ARHGAP21: variants seen among roughly 807,000 people sequenced by gnomAD.
The protein encoded by ARHGAP21 is rho GTPase-activating protein 21.
In ARHGAP21, 38 loss-of-function variants were observed where a neutral mutation model predicts 164.6. That is an observed-to-expected ratio of 0.23 (90% CI 0.18 to 0.30). ARHGAP21 has a LOEUF of 0.30. Among genes scored for constraint, ARHGAP21 ranks in the 10% least tolerant of loss-of-function variants. ARHGAP21 has a pLI of 1.00. For missense variants in ARHGAP21, 1,822 were observed against 2,370.7 expected, an observed-to-expected ratio of 0.77 and a Z score of 4.81; for synonymous variants, 766 against 857.9, an observed-to-expected ratio of 0.89 and a Z score of 1.87.
intron 2 of ARHGAP21, among the ~76,000 whole-genome samples, chr10:24,709,598 G>A (rs1844569783): frequency 6.6e-6 from 1 of 151,962 alleles, no homozygotes; most frequent in East Asian, 1.9e-4. Flanking sequence ...AAATTAGCCA[G>A]GTGTGATGGT....
intron 2 of ARHGAP21, among the ~76,000 whole-genome samples, chr10:24,697,119 G>A (rs997707174): frequency 6.6e-6 from 1 of 152,108 alleles, no homozygotes; most frequent in Non-Finnish European, 1.5e-5. Context: ...ATGTTCCTAG[G>A]GGTGGCCCTT....
chr10:24,696,621 C>T (rs1843199724), intron 2 of ARHGAP21, among the ~76,000 whole-genome samples: 2 of 152,074 alleles, frequency 1.3e-5, no homozygotes, highest in South Asian at 2.1e-4. Flanking sequence ...AACACTGAGG[C>T]GTGGGCTCAG....
intron 4 of ARHGAP21, among the ~76,000 whole-genome samples, chr10:24,646,754 TTAA>T (rs1172199518): frequency 6.6e-6 from 1 of 152,108 alleles, no homozygotes; most frequent in Non-Finnish European, 1.5e-5. Context: ...TAAAAAAATT[TTAA>T]TAATAAAAAG....
chr10:24,590,489 A>G, intron 24 of ARHGAP21: 1 of 1,535,136 alleles, frequency 6.5e-7, no homozygotes, highest in Non-Finnish European at 8.7e-7. Flanking sequence ...CCTGTTCAAC[A>G]TCAGTATAGA....
intron 7 of ARHGAP21, among the ~76,000 whole-genome samples, chr10:24,625,299 G>GCAAAAAAAAAAAAAAAAAAAAAAAAAAAC (rs768183583): frequency 1.9e-5 from 1 of 53,798 alleles, no homozygotes; most frequent in African/African-American, 7.5e-5. Context: ...ATGAAACAGA[G>GCAAAAAAAAAAAAAAAAAAAAAAAAAAAC]AAAAAAAAAA....
intron 3 of ARHGAP21, among the ~76,000 whole-genome samples, chr10:24,667,704 G>C (rs1840328675): frequency 6.6e-6 from 1 of 151,824 alleles, no homozygotes; most frequent in Non-Finnish European, 1.5e-5. Flanking sequence ...GTTCGGTGAA[G>C]GGCTGATAAT....
At chr10:24,601,841 A>AGAAAAATCTATTTAT (rs1458381493) in intron 13 of ARHGAP21, 137 bp downstream of exon 13, 2 of 1,102,738 alleles carry the variant, frequency 1.8e-6, no homozygotes, top group Non-Finnish European at 2.4e-6. Context: ...TTTTTAATGT[A>AGAAAAATCTATTTAT]GAAAAATCTA....
chr10:24,676,534 A>T (rs768335803), intron 2 of ARHGAP21, among the ~76,000 whole-genome samples: 2 of 152,188 alleles, frequency 1.3e-5, no homozygotes, highest in Non-Finnish European at 2.9e-5. Context: ...GAGACTCCAA[A>T]AGCGGGGAGG....
intron 2 of ARHGAP21, among the ~76,000 whole-genome samples, chr10:24,703,001 G>A (rs1055080279): frequency 7.2e-5 from 11 of 152,068 alleles, no homozygotes; most frequent in Admixed American, 7.2e-4. Flanking sequence ...ATAATACATA[G>A]TTTATATTAT....
chr10:24,594,886 A>ATGAAGCATATCTT, intron 21 of ARHGAP21, 64 bp downstream of exon 21: 1 of 1,318,962 alleles, frequency 7.6e-7, no homozygotes. Context: ...GCATGAAGTA[A>ATGAAGCATATCTT]TGAAGCATAT....
intron 2 of ARHGAP21, among the ~76,000 whole-genome samples, chr10:24,695,842 G>C (rs1252155155): frequency 1.3e-5 from 2 of 152,120 alleles, no homozygotes; most frequent in Non-Finnish European, 2.9e-5. Flanking sequence ...CAACCCATGA[G>C]TGATCCTGAA....
At chr10:24,682,493 T>A (rs1322646612) in intron 2 of ARHGAP21, among the ~76,000 whole-genome samples, 1 of 152,244 alleles carries the variant, frequency 6.6e-6, no homozygotes, top group Non-Finnish European at 1.5e-5. Flanking sequence ...TGTAAATTAT[T>A]CCTCACATAG....
chr10:24,652,117 A>G (rs1838236281), intron 4 of ARHGAP21, among the ~76,000 whole-genome samples: 1 of 152,180 alleles, frequency 6.6e-6, no homozygotes, highest in African/African-American at 2.4e-5. Flanking sequence ...ATAAAAATAC[A>G]GATCTATTCT....
chr10:24,646,332 GA>G, intron 4 of ARHGAP21, among the ~76,000 whole-genome samples: 1 of 150,396 alleles, frequency 6.6e-6, no homozygotes, highest in African/African-American at 2.4e-5. Context: ...TGGAGCAGCT[GA>G]AAAAAAAACA....
At chr10:24,657,856 GCTCGTTAAGAGTCATCA>G (rs1839234441) in intron 4 of ARHGAP21, among the ~76,000 whole-genome samples, 1 of 128,036 alleles carries the variant, frequency 7.8e-6, no homozygotes, top group African/African-American at 3.1e-5. Flanking sequence ...AAGGCAGCAT[GCTCGTTAAGAGTCATCA>G]CCAATCCCTA....
At chr10:24,642,634 T>A (rs1057153820) in intron 4 of ARHGAP21, among the ~76,000 whole-genome samples, 1 of 151,974 alleles carries the variant, frequency 6.6e-6, no homozygotes, top group Non-Finnish European at 1.5e-5. Flanking sequence ...TCTATTTTCA[T>A]CTTCCTAAAT....
intron 2 of ARHGAP21, among the ~76,000 whole-genome samples, chr10:24,683,325 C>G (rs1241760885): frequency 6.6e-6 from 1 of 151,994 alleles, no homozygotes; most frequent in African/African-American, 2.4e-5. Context: ...GACATGAGTC[C>G]TTTCTGCTGT....
chr10:24,697,728 T>C (rs1843294995), intron 2 of ARHGAP21, among the ~76,000 whole-genome samples: 1 of 151,858 alleles, frequency 6.6e-6, no homozygotes, highest in South Asian at 2.1e-4. Flanking sequence ...GGCATGGTGG[T>C]GTGCAGCTGT....
At chr10:24,637,667 A>C (rs1836516615) in intron 4 of ARHGAP21, among the ~76,000 whole-genome samples, 1 of 152,200 alleles carries the variant, frequency 6.6e-6, no homozygotes, top group African/African-American at 2.4e-5. Context: ...GGTCCAAAAT[A>C]ATGTGGTGTT....
Sources: allele counts gnomAD v4.1 joint callset (sites outside exome capture counted in the v4.1 genomes callset), GRCh38; gene constraint gnomAD v4.1.1; transcripts MANE v1.5; gene names NCBI Gene and HGNC (gene_info 2026-07-23, HGNC 2026-07-21).